Variants in ADAMTSL3 observed in about 807,000 individuals in gnomAD.
ADAMTSL3 encodes ADAMTS like 3, also known as ADAMTS-like protein 3.
Under a neutral mutation model 201.7 loss-of-function variants are expected in ADAMTSL3, and 128 were observed. That is an observed-to-expected ratio of 0.63 (90% CI 0.55 to 0.73). The LOEUF (loss-of-function observed/expected upper bound fraction) is 0.73, where lower values mean the gene tolerates loss of function less well. Among genes scored for constraint, ADAMTSL3 ranks in the 30% least tolerant of loss-of-function variants. ADAMTSL3 has a pLI of 0.00. For missense variants in ADAMTSL3, 1,990 were observed against 2,119.6 expected (o/e 0.94, Z 1.20); for synonymous variants, 738 against 748.4 (o/e 0.99, Z 0.23).
rs9635452 is a variant in ADAMTSL3, at chr15:83,704,895, T to A, written c.189+387T>A. Among the ~76,000 whole-genome samples the A allele has an allele frequency of 0.02, 3,014 of 152,264 alleles. 220 individuals are homozygous for A. The East Asian group carries it at 0.27, about 14-fold the overall frequency. ...TTCTTTTACCAGCACCAATGTTGCA[T>A]GCTTTTTTCCCCAAGATTACTTTTC... On this transcript the variant is annotated intron_variant, in intron 3 of 29. Transcript: ENST00000286744.
At chr15:83,760,842 T>A (rs1390502029) in intron 3 of ADAMTSL3, among the ~76,000 whole-genome samples, 9 of 152,110 alleles carry the variant, frequency 5.9e-5, no homozygotes, top group Non-Finnish European at 1.0e-4. Flanking sequence ...TTATTTTTAA[T>A]CTTTCTGGCC....
In ADAMTSL3 at chr15:83,876,015, CG is replaced by C. The variant is rs143394230; in HGVS notation, c.960+5058del. On this transcript the variant is annotated intron_variant, in intron 9 of 29. Transcript: ENST00000286744. ...TCTTTTCTTTTCTTATTTTTCTTTT[CG>C]GTGGTAATGGAAAAGACTTAGAAAC... is the stretch of plus-strand genomic sequence containing the variant. 2.7e-3 allele frequency among the ~76,000 whole-genome samples: 409 copies of C among 151,832 alleles called. 4 individuals carry two copies. The highest frequency in any genetic ancestry group is 9.4e-3 in the African/African-American group (390 of 41,446).
At chr15:83,767,295 G>A (rs189245953) in intron 3 of ADAMTSL3, among the ~76,000 whole-genome samples, 21 of 152,294 alleles carry the variant, frequency 1.4e-4, no homozygotes, top group Non-Finnish European at 8.8e-5. Flanking sequence ...CGTTATGTAG[G>A]ACAAGCTTGT....
intron 6 of ADAMTSL3, among the ~76,000 whole-genome samples, chr15:83,834,289 C>G (rs1245851438): frequency 6.6e-6 from 1 of 152,114 alleles, no homozygotes; most frequent in Non-Finnish European, 1.5e-5. Context: ...ATTTCATTGG[C>G]CAAAGTTAGT....
At chr15:83,910,366 T>A (rs572493243) in intron 15 of ADAMTSL3, among the ~76,000 whole-genome samples, 274 of 151,598 alleles carry the variant, frequency 1.8e-3, no homozygotes, top group African/African-American at 6.4e-3. Context: ...AGATTCAGAA[T>A]TGTATGAACA....
chr15:83,884,027 G>GGACT (rs1316024445), intron 9 of ADAMTSL3, among the ~76,000 whole-genome samples: 1 of 151,926 alleles, frequency 6.6e-6, no homozygotes, highest in Non-Finnish European at 1.5e-5. Context: ...TGAGTAGCTG[G>GGACT]GACTACAGGC....
intron 20 of ADAMTSL3, among the ~76,000 whole-genome samples, chr15:83,971,766 C>T (rs1211346808): frequency 6.6e-6 from 1 of 150,662 alleles, no homozygotes; most frequent in Non-Finnish European, 1.5e-5. Flanking sequence ...TTTAATTACT[C>T]ACCTGTGAAA....
intron 17 of ADAMTSL3, among the ~76,000 whole-genome samples, chr15:83,927,097 A>T (rs754297298): frequency 1.3e-5 from 2 of 151,296 alleles, no homozygotes; most frequent in Non-Finnish European, 2.9e-5. Context: ...TCTACAATCC[A>T]TAAATCCTTT....
chr15:83,688,717 A>G (rs888404883), intron 2 of ADAMTSL3, among the ~76,000 whole-genome samples: 3 of 150,582 alleles, frequency 2.0e-5, no homozygotes, highest in Non-Finnish European at 4.4e-5. Flanking sequence ...TTGATACAAA[A>G]AAAACTATCT....
At chr15:83,975,330 TA>T (rs1439564439) in intron 20 of ADAMTSL3, among the ~76,000 whole-genome samples, 1 of 152,138 alleles carries the variant, frequency 6.6e-6, no homozygotes, top group African/African-American at 2.4e-5. Flanking sequence ...TCCAGCCTCC[TA>T]CACACCTCTT....
At chr15:83,676,512 GC>G (rs1332861745) in intron 2 of ADAMTSL3, among the ~76,000 whole-genome samples, 1 of 151,950 alleles carries the variant, frequency 6.6e-6, no homozygotes, top group South Asian at 2.1e-4. Flanking sequence ...CCCCGTCTCT[GC>G]TAAAAATACA....
chr15:83,812,197 C>T (rs762976611), intron 5 of ADAMTSL3, among the ~76,000 whole-genome samples: 6 of 152,150 alleles, frequency 3.9e-5, no homozygotes, highest in Non-Finnish European at 7.3e-5. Context: ...ATATCCACCT[C>T]ACCATAGCAG....
chr15:83,746,157 A>AAAG (rs5814161), intron 3 of ADAMTSL3, among the ~76,000 whole-genome samples: 151,355 of 152,134 alleles, frequency 0.99, 75,294 homozygotes, highest in East Asian at 1. Context: ...TCCAAGGAAG[A>AAAG]AAGGAGAGAA....
Position 84,036,805 on chromosome 15 carries a change from C to T in ADAMTSL3, c.4787C>T (p.Ala1596Val). ...PTLRRNCTSGACDVCWHTGPW... is the reference protein window; with the variant it reads ...PTLRRNCTSGVCDVCWHTGPW... ...TTAAGAAGGAACTGCACATCAGGGGCCTGTGATGTGTGTTGGCACACAGGC... is the reference window on the plus strand; with the variant it reads ...TTAAGAAGGAACTGCACATCAGGGGTCTGTGATGTGTGTTGGCACACAGGC... Residue 1596 changes from alanine to valine, a missense_variant, in exon 29 of 30, where the codon GCC (alanine) becomes GTC (valine). Physicochemically the swap from Ala to Val is moderately conservative, Grantham distance 64. Transcript: ENST00000286744. 6.2e-7 allele frequency: 1 copy of T among 1,613,956 alleles called. No individual in the cohort carries two copies. The highest frequency in any genetic ancestry group is 8.5e-7 in the Non-Finnish European group (1 of 1,179,962).
At chr15:83,771,887 C>T (rs368591730) in intron 3 of ADAMTSL3, among the ~76,000 whole-genome samples, 11 of 150,116 alleles carry the variant, frequency 7.3e-5, no homozygotes, top group South Asian at 2.1e-4. Context: ...GACAGAATCT[C>T]GCTCTGTCAC....
chr15:84,033,858 A>T (rs2141943972), intron 28 of ADAMTSL3, among the ~76,000 whole-genome samples: 1 of 152,338 alleles, frequency 6.6e-6, no homozygotes, highest in African/African-American at 2.4e-5. Context: ...GAAGATAAAG[A>T]GTATAGAAGG....
At position 83,982,292 on chromosome 15, in the gene ADAMTSL3, G is replaced by A. The variant is rs747211769; in HGVS notation, c.2664G>A (p.Lys888=). Residue 888 remains lysine, a synonymous_variant, in exon 21 of 30, where the codon AAG becomes AAA. Transcript: ENST00000286744. ...PECSKIKSEM[K]TKLGEQGPQI... ...TTGGAGAAATCAAATCAGAGATGAA[G>A]ACAAAACTTGGTGAGCAGGGTCCGC... 54 of 1,594,960 alleles carry A rather than the reference G, an allele frequency of 3.4e-5. 1 individual carries two copies. In the Admixed American group the frequency reaches 8.8e-4, roughly 26 times the overall value.
chr15:83,720,593 T>C (rs1596085950), intron 3 of ADAMTSL3, among the ~76,000 whole-genome samples: 1 of 152,062 alleles, frequency 6.6e-6, no homozygotes, highest in African/African-American at 2.4e-5. Flanking sequence ...TGACAAAAGG[T>C]TTTTAGAATT....
intron 3 of ADAMTSL3, among the ~76,000 whole-genome samples, chr15:83,754,912 A>C (rs2062694884): frequency 1.3e-5 from 2 of 152,354 alleles, no homozygotes; most frequent in South Asian, 4.1e-4. Flanking sequence ...TTTAAATTTT[A>C]GTCAATGGTA....
Sources: allele counts gnomAD v4.1 joint callset (sites outside exome capture counted in the v4.1 genomes callset), GRCh38; gene constraint gnomAD v4.1.1; transcripts MANE v1.5; gene names NCBI Gene and HGNC (gene_info 2026-07-23, HGNC 2026-07-21).